Variants in NELL2 observed in about 807,000 individuals in gnomAD.
The protein encoded by NELL2 is protein kinase C-binding protein NELL2.
NELL2 carries 41 observed loss-of-function variants against 109.6 expected under a neutral mutation model. That is an observed-to-expected ratio of 0.37 (90% CI 0.29 to 0.49). The LOEUF is 0.49. Ranked by LOEUF, NELL2 falls within the 20% of genes least tolerant of loss-of-function variation. NELL2 has a pLI of 0.98. For missense variants in NELL2, 900 were observed against 1,008.3 expected (o/e 0.89, Z 1.45); for synonymous variants, 355 against 344.7 (o/e 1.03, Z -0.33).
intron 3 of NELL2, among the ~76,000 whole-genome samples, chr12:44,796,730 T>C (rs1042529125): frequency 6.6e-6 from 1 of 152,090 alleles, no homozygotes; most frequent in Non-Finnish European, 1.5e-5. Flanking sequence ...TCATGAATAA[T>C]ATAGCTAGGA....
Position 44,779,707 on chromosome 12 carries a change from T to C in NELL2, c.562A>G (p.Thr188Ala), listed in dbSNP as rs753180537. 8 of 1,613,918 alleles carry C rather than the reference T, an allele frequency of 5.0e-6. No individual in the cohort carries two copies. The highest frequency in any genetic ancestry group is 4.5e-5 in the East Asian group (2 of 44,898). The change falls in exon 5 of 20, where the codon ACA (threonine) becomes GCA (alanine). Residue 188 changes from threonine to alanine, a missense_variant. Coordinates refer to ENST00000429094, the MANE Select transcript of NELL2 (RefSeq NM_001145108.2). ...TTATTTCTCTGTCCTAGCCAAAATGTTGTGCCTAGAGGCAAGTCTGTGGAG... is the reference window on the plus strand; with the variant it reads ...TTATTTCTCTGTCCTAGCCAAAATGCTGTGCCTAGAGGCAAGTCTGTGGAG... ...KPSTDLPLGT[T>A]FWLGQRNNAH...
Position 44,779,585 on chromosome 12 carries a change from C to A in NELL2, c.606+78G>T, listed in dbSNP as rs1941877108. ...CAAATCAAATTATTTTGTTTCACAC[C>A]ATAAAAAGTAAAATCTACTTTTTGA... On this transcript the variant is annotated intron_variant, in intron 5 of 19. Coordinates refer to ENST00000429094, the MANE Select transcript of NELL2 (RefSeq NM_001145108.2). 4 of 1,150,750 alleles carry A rather than the reference C, an allele frequency of 3.5e-6. No individual in the cohort carries two copies. In the Admixed American group the frequency reaches 6.5e-5, roughly 19 times the overall value. The allele number at this position is 1,150,750 out of a possible 1,614,324, so 71.3% of individuals were successfully genotyped here.
chr12:44,625,613 T>C (rs1667216258), intron 13 of NELL2, among the ~76,000 whole-genome samples: 1 of 152,062 alleles, frequency 6.6e-6, no homozygotes, highest in Non-Finnish European at 1.5e-5. Context: ...CAGGTTGGCA[T>C]GATACATCAA....
At chr12:44,534,900 T>A (rs1942228594) in intron 15 of NELL2, among the ~76,000 whole-genome samples, 2 of 152,028 alleles carry the variant, frequency 1.3e-5, no homozygotes, top group African/African-American at 4.8e-5. Flanking sequence ...CTTGACATAG[T>A]AATAAGGTTA....
At chr12:44,558,648 T>A (rs1239135437) in intron 15 of NELL2, among the ~76,000 whole-genome samples, 1 of 152,148 alleles carries the variant, frequency 6.6e-6, no homozygotes, top group Non-Finnish European at 1.5e-5. Flanking sequence ...CTAGCCCAGA[T>A]ACTATGCTTT....
In NELL2 at chr12:44,742,128, C is replaced by G. The variant is rs985944169; in HGVS notation, c.995-27387G>C. Among the ~76,000 whole-genome samples the G allele has an allele frequency of 2.0e-5, 3 of 152,244 alleles. No homozygotes were observed. In the South Asian group the frequency reaches 6.2e-4, roughly 32 times the overall value. ...GAGACAAAACTTCCAGAGGAACGAT[C>G]AGGCAGCAGCATTTGCGGTTCACCA... On this transcript the variant is annotated intron_variant, in intron 9 of 19. Transcript: ENST00000429094.
At chr12:44,816,605 G>C (rs1365800751) in intron 2 of NELL2, among the ~76,000 whole-genome samples, 1 of 152,110 alleles carries the variant, frequency 6.6e-6, no homozygotes, top group Admixed American at 6.6e-5. Flanking sequence ...CTCCACATTG[G>C]TTTCTTCAGC....
chr12:44,540,331 T>C (rs555457917), intron 15 of NELL2, among the ~76,000 whole-genome samples: 1 of 152,066 alleles, frequency 6.6e-6, no homozygotes, highest in East Asian at 1.9e-4. Context: ...TCTTGGAAAA[T>C]AGAATACAGG....
At chr12:44,882,857 T>TC (rs1945430701) in intron 1 of NELL2, among the ~76,000 whole-genome samples, 1 of 144,984 alleles carries the variant, frequency 6.9e-6, no homozygotes, top group Admixed American at 6.8e-5. Flanking sequence ...TTTTTTTTTT[T>TC]TGAGACAGAG....
intron 3 of NELL2, 95 bp downstream of exon 3, chr12:44,815,891 T>C: frequency 7.3e-7 from 1 of 1,372,394 alleles, no homozygotes; most frequent in Non-Finnish European, 9.9e-7. Flanking sequence ...CATAAAGAGA[T>C]ATACAAGAGA....
chr12:44,808,750 G>A (rs1459924301), intron 3 of NELL2, among the ~76,000 whole-genome samples: 6 of 151,822 alleles, frequency 4.0e-5, no homozygotes, highest in African/African-American at 1.5e-4. Flanking sequence ...CTAATGTCAA[G>A]AAAGAAAAAT....
chr12:44,819,254 C>A (rs182879411), intron 2 of NELL2, among the ~76,000 whole-genome samples: 44 of 152,228 alleles, frequency 2.9e-4, no homozygotes, highest in Admixed American at 1.4e-3. Context: ...AAAAAAATTT[C>A]TCTAGTGGCC....
rs201228063 is a variant in NELL2 at position 44,860,710 on chromosome 12, A to G, written c.184+14515T>C. ...CAGCTAGATAATCCACAATAATCTTATTTTTAAGTCAGTCGATTAACAACC... is the reference window on the plus strand; with the variant it reads ...CAGCTAGATAATCCACAATAATCTTGTTTTTAAGTCAGTCGATTAACAACC... On this transcript the variant is annotated intron_variant, in intron 2 of 19. Coordinates refer to ENST00000429094, the MANE Select transcript of NELL2 (RefSeq NM_001145108.2). 4.6e-5 allele frequency among the ~76,000 whole-genome samples: 6 copies of G among 130,214 alleles called. No homozygotes were observed. In the South Asian group the frequency reaches 1.5e-3, roughly 33 times the overall value. The allele number at this position is 130,214 out of a possible 152,430, so 85.4% of individuals were successfully genotyped here.
At chr12:44,863,980 A>T (rs1381034269) in intron 2 of NELL2, among the ~76,000 whole-genome samples, 1 of 152,192 alleles carries the variant, frequency 6.6e-6, no homozygotes, top group Admixed American at 6.5e-5. Context: ...TTAAGTTGTT[A>T]TCAGGTTAAA....
chr12:44,862,188 A>G (rs1161626587), intron 2 of NELL2, among the ~76,000 whole-genome samples: 1 of 152,212 alleles, frequency 6.6e-6, no homozygotes, highest in East Asian at 1.9e-4. Flanking sequence ...CCCCACGAAT[A>G]CTCACCAGCA....
At chr12:44,791,095 ATGTATATATATATGTATATATATATG>A (rs1338600411) in intron 3 of NELL2, among the ~76,000 whole-genome samples, 239 of 13,788 alleles carry the variant, frequency 0.017, 14 homozygotes, top group African/African-American at 0.042. Context: ...ATATATATAT[ATGTATATATATATGTATATATATATG>A]TATATATATA....
intron 2 of NELL2, among the ~76,000 whole-genome samples, chr12:44,854,966 A>G (rs1195707195): frequency 2.0e-5 from 3 of 152,194 alleles, no homozygotes; most frequent in African/African-American, 4.8e-5. Flanking sequence ...CATTCCTAGT[A>G]GCCACCTTAA....
chr12:44,669,199 A>G (rs1332643891), intron 12 of NELL2, among the ~76,000 whole-genome samples: 7 of 152,156 alleles, frequency 4.6e-5, no homozygotes, highest in African/African-American at 1.7e-4. Context: ...TCAAAGCAAA[A>G]GCATCTTACT....
intron 2 of NELL2, among the ~76,000 whole-genome samples, chr12:44,840,994 T>C (rs539627614): frequency 6.6e-6 from 1 of 152,352 alleles, no homozygotes; most frequent in East Asian, 1.9e-4. Context: ...GTATTTTTAA[T>C]ATTCTGGAAA....
Sources: allele counts gnomAD v4.1 joint callset (sites outside exome capture counted in the v4.1 genomes callset), GRCh38; gene constraint gnomAD v4.1.1; transcripts MANE v1.5; gene names NCBI Gene and HGNC (gene_info 2026-07-23, HGNC 2026-07-21).